PKP4: variants seen among roughly 807,000 people sequenced by gnomAD.
PKP4 encodes the protein plakophilin-4.
In PKP4, 90 loss-of-function variants were observed where a neutral mutation model predicts 145.1. That is an observed-to-expected ratio of 0.62 (90% confidence interval 0.52 to 0.74). PKP4 has a LOEUF of 0.74. PKP4 is among the 30% of genes least tolerant of loss of function. The pLI is 0.00. For synonymous variants in PKP4, 563 were observed against 577.2 expected, an observed-to-expected ratio of 0.98 and a Z score of 0.35; for missense variants, 1,340 against 1,482.7, an observed-to-expected ratio of 0.90 and a Z score of 1.58.
At chr2:158,518,413 G>A (rs2042099389) in intron 1 of PKP4, among the ~76,000 whole-genome samples, 1 of 152,118 alleles carries the variant, frequency 6.6e-6, no homozygotes, top group South Asian at 2.1e-4. Flanking sequence ...CCAGGGGTGG[G>A]GCAGTAGATG....
chr2:158,588,280 A>G (rs770187888), intron 3 of PKP4: 1 of 152,102 alleles, frequency 6.6e-6, no homozygotes, highest in African/African-American at 2.4e-5. Context: ...CACCCCCTTG[A>G]GCAGTGTAAA....
intron 1 of PKP4, among the ~76,000 whole-genome samples, chr2:158,526,349 T>G (rs1227741870): frequency 8.1e-6 from 1 of 123,282 alleles, no homozygotes; most frequent in Non-Finnish European, 1.7e-5. Context: ...TCAATAAATG[T>G]AATCCAGCAT....
chr2:158,667,451 G>A (rs2105996275), intron 16 of PKP4, among the ~76,000 whole-genome samples: 1 of 152,294 alleles, frequency 6.6e-6, no homozygotes, highest in African/African-American at 2.4e-5. Context: ...AGAGCTCCAT[G>A]CCAAGTCCCA....
intron 1 of PKP4, among the ~76,000 whole-genome samples, chr2:158,501,697 A>C (rs1401159921): frequency 7.5e-6 from 1 of 134,002 alleles, no homozygotes; most frequent in Non-Finnish European, 1.7e-5. Flanking sequence ...CGCCTCAGTG[A>C]GGGCACACCA....
intron 4 of PKP4, among the ~76,000 whole-genome samples, chr2:158,612,881 A>G (rs2051263689): frequency 6.6e-6 from 1 of 152,202 alleles, no homozygotes; most frequent in South Asian, 2.1e-4. Flanking sequence ...ACCTTAGAAT[A>G]TAGTAAAAGT....
At chr2:158,538,595 A>G (rs2044260875) in intron 2 of PKP4, among the ~76,000 whole-genome samples, 1 of 138,560 alleles carries the variant, frequency 7.2e-6, no homozygotes, top group Admixed American at 8.0e-5. Context: ...GCTGGAGTGC[A>G]GTGGTGCGAT....
In PKP4 at chr2:158,681,253, A is replaced by AT. The variant is rs1559012149; in HGVS notation, c.*578dup. 1.3e-5 allele frequency: 2 copies of AT among 153,310 alleles called. No homozygotes were observed. The highest frequency in any genetic ancestry group is 2.9e-5 in the Non-Finnish European group (2 of 68,562). 9.5% of individuals were successfully genotyped at this position (153,310 alleles called of 1,614,324 possible). On this transcript the variant is annotated 3_prime_UTR_variant, in exon 22 of 22. Transcript: ENST00000389759. ...TGAGAAGCCCAAGGAACTGTGAGCA[A>AT]TTAAAAGCAAACCGCGACACCCTTT...
chr2:158,538,741 C>T (rs1275541652), intron 2 of PKP4, among the ~76,000 whole-genome samples: 1 of 151,966 alleles, frequency 6.6e-6, no homozygotes, highest in Non-Finnish European at 1.5e-5. Flanking sequence ...GAGGTTTCTC[C>T]ATGTTGGCCA....
At chr2:158,474,870 AC>A (rs1479962964) in intron 1 of PKP4, among the ~76,000 whole-genome samples, 1 of 152,168 alleles carries the variant, frequency 6.6e-6, no homozygotes, top group South Asian at 2.1e-4. Context: ...TGAATTCACC[AC>A]CTGACTGATG....
At chr2:158,637,389 T>C (rs1453342787) in intron 9 of PKP4, among the ~76,000 whole-genome samples, 1 of 152,134 alleles carries the variant, frequency 6.6e-6, no homozygotes, top group Admixed American at 6.6e-5. Context: ...ACCAGACCTG[T>C]GCATGTGCCC....
intron 6 of PKP4, among the ~76,000 whole-genome samples, chr2:158,622,078 C>G (rs1041977230): frequency 2.0e-5 from 3 of 152,012 alleles, no homozygotes; most frequent in African/African-American, 7.2e-5. Flanking sequence ...AATACTAGGG[C>G]TAAAATATGC....
chr2:158,511,101 CAG>C (rs913543499), intron 1 of PKP4, among the ~76,000 whole-genome samples: 8 of 152,144 alleles, frequency 5.3e-5, no homozygotes, highest in Non-Finnish European at 7.4e-5. Context: ...AAACTCACGT[CAG>C]GGGCTGAGCG....
chr2:158,534,098 G>GT (rs922662415), intron 2 of PKP4, among the ~76,000 whole-genome samples: 8 of 151,782 alleles, frequency 5.3e-5, no homozygotes, highest in East Asian at 1.9e-4. Context: ...CTAAGATTAA[G>GT]TTTTTTTAAA....
At chr2:158,553,034 C>G (rs2045767699) in intron 2 of PKP4, among the ~76,000 whole-genome samples, 1 of 152,028 alleles carries the variant, frequency 6.6e-6, no homozygotes, top group Non-Finnish European at 1.5e-5. Flanking sequence ...AATTGTCTCT[C>G]CCAGTCCTGT....
At position 158,667,890 on chromosome 2, in the gene PKP4, C is replaced by A. The variant is rs1033678017; in HGVS notation, c.2728+1327C>A. The stretch of plus-strand genomic sequence containing the variant: ...ATATTCTTTAAAGTTATTTTTCTTA[C>A]GTCTGTATTGTTTGGATTTCTTATA... On this transcript the variant is annotated intron_variant, in intron 16 of 21. Transcript: ENST00000389759. Among the ~76,000 whole-genome samples, 3 of 152,128 alleles carry A rather than the reference C, an allele frequency of 2.0e-5. No homozygotes were observed. The East Asian group carries it at 5.8e-4, about 29-fold the overall frequency.
In PKP4 at chr2:158,587,605, T is replaced by A. The variant is rs756515804; in HGVS notation, c.245+10222T>A. Among the ~76,000 whole-genome samples, 284 of 152,198 alleles carry A rather than the reference T, an allele frequency of 1.9e-3. 1 individual carries two copies. The highest frequency in any genetic ancestry group is 3.2e-3 in the Non-Finnish European group (220 of 67,952). Reference sequence around the variant, plus strand: ...TGCTCTTAAATCCTGTATTTTCTTATTACTATTATTATTTTCCCCTTATCT... The same window carrying A: ...TGCTCTTAAATCCTGTATTTTCTTAATACTATTATTATTTTCCCCTTATCT... On this transcript the variant is annotated intron_variant, in intron 3 of 21. Coordinates refer to ENST00000389759, the MANE Select transcript of PKP4 (RefSeq NM_003628.6).
chr2:158,586,422 A>T (rs1425808828), intron 3 of PKP4, among the ~76,000 whole-genome samples: 2 of 152,094 alleles, frequency 1.3e-5, no homozygotes, highest in Non-Finnish European at 1.5e-5. Flanking sequence ...AGTTGTCTGT[A>T]ATTATTTAGT....
At chr2:158,477,220 ATATGCAGTTCTT>A (rs1039652430) in intron 1 of PKP4, among the ~76,000 whole-genome samples, 6 of 152,168 alleles carry the variant, frequency 3.9e-5, no homozygotes, top group African/African-American at 1.4e-4. Flanking sequence ...AGAGATCACC[ATATGCAGTTCTT>A]TCCTTTTACA....
At chr2:158,472,332 G>T (rs183632372) in intron 1 of PKP4, among the ~76,000 whole-genome samples, 1 of 151,906 alleles carries the variant, frequency 6.6e-6, no homozygotes, top group African/African-American at 2.4e-5. Context: ...GAATTAGGCC[G>T]GGCGTGGTGG....
Sources: allele counts gnomAD v4.1 joint callset (sites outside exome capture counted in the v4.1 genomes callset), GRCh38; gene constraint gnomAD v4.1.1; transcripts MANE v1.5; gene names NCBI Gene and HGNC (gene_info 2026-07-23, HGNC 2026-07-21).